The following PTPN14 variants were observed in gnomAD, a reference collection of about 807,000 sequenced individuals.
PTPN14 encodes the protein tyrosine-protein phosphatase non-receptor type 14.
Under a neutral mutation model 126.8 loss-of-function variants are expected in PTPN14, and 53 were observed. That is an observed-to-expected ratio of 0.42 (90% CI 0.34 to 0.53). The LOEUF is 0.53. PTPN14 is among the 20% of genes least tolerant of loss of function. The pLI is 0.08. For synonymous variants in PTPN14, 630 were observed against 599.3 expected, an observed-to-expected ratio of 1.05 and a Z score of -0.75; for missense variants, 1,257 against 1,552.9, an observed-to-expected ratio of 0.81 and a Z score of 3.20.
chr1:214,385,645 A>G (rs1005152069), intron 12 of PTPN14, among the ~76,000 whole-genome samples: 10 of 152,152 alleles, frequency 6.6e-5, no homozygotes, highest in Non-Finnish European at 1.0e-4. Flanking sequence ...TGGCCAAAAT[A>G]TATTCATTTT....
In PTPN14 at chr1:214,437,819, C is replaced by T. The variant is rs78809675; in HGVS notation, c.344+13986G>A. On this transcript the variant is annotated intron_variant, in intron 3 of 18. Transcript: ENST00000366956. ...CCCCCTGAGATTCTCCAACATCCAT[C>T]TACTAACAGAAAAGACCAGCTACAG... 1.2e-4 allele frequency among the ~76,000 whole-genome samples: 18 copies of T among 152,312 alleles called. No homozygotes were observed. The East Asian group carries it at 3.5e-3, about 29-fold the overall frequency.
chr1:214,437,135 C>A (rs1659939321), intron 3 of PTPN14, among the ~76,000 whole-genome samples: 1 of 151,864 alleles, frequency 6.6e-6, no homozygotes, highest in Non-Finnish European at 1.5e-5. Context: ...ATAATGTTTT[C>A]ACAACCTTGA....
At chr1:214,538,551 A>G (rs1655763375) in intron 1 of PTPN14, among the ~76,000 whole-genome samples, 1 of 152,240 alleles carries the variant, frequency 6.6e-6, no homozygotes, top group Non-Finnish European at 1.5e-5. Flanking sequence ...ATAAGTAAAG[A>G]GGCCATGGTG....
chr1:214,532,969 G>C, intron 1 of PTPN14: 3 of 774,104 alleles, frequency 3.9e-6, no homozygotes, highest in Non-Finnish European at 4.7e-6. Context: ...GAAGAACCGA[G>C]AGGAGCTGGA....
intron 1 of PTPN14, among the ~76,000 whole-genome samples, chr1:214,520,527 A>G (rs1158509047): frequency 6.6e-6 from 1 of 152,178 alleles, no homozygotes; most frequent in Non-Finnish European, 1.5e-5. Context: ...CTGGAATCTA[A>G]AAGAAAATGT....
At chr1:214,397,705 G>C (rs921912672) in intron 8 of PTPN14, among the ~76,000 whole-genome samples, 1 of 152,142 alleles carries the variant, frequency 6.6e-6, no homozygotes, top group Non-Finnish European at 1.5e-5. Flanking sequence ...CAACAATGTA[G>C]TTCCTGGAAT....
intron 1 of PTPN14, among the ~76,000 whole-genome samples, chr1:214,489,759 T>A (rs1278504049): frequency 6.6e-6 from 1 of 152,196 alleles, no homozygotes; most frequent in African/African-American, 2.4e-5. Context: ...GTTGGCTGAC[T>A]GAACAAATGC....
At chr1:214,400,344 TG>T (rs1380928960) in intron 7 of PTPN14, among the ~76,000 whole-genome samples, 1 of 152,086 alleles carries the variant, frequency 6.6e-6, no homozygotes, top group South Asian at 2.1e-4. Context: ...CACACATATG[TG>T]GGGGGAAAGA....
At chr1:214,485,818 C>T (rs1423872612) in intron 1 of PTPN14, among the ~76,000 whole-genome samples, 2 of 151,976 alleles carry the variant, frequency 1.3e-5, no homozygotes, top group African/African-American at 4.8e-5. Flanking sequence ...CTCCGCCTCC[C>T]GGGTTCACGC....
chr1:214,489,558 G>A (rs973104267), intron 1 of PTPN14, among the ~76,000 whole-genome samples: 9 of 152,084 alleles, frequency 5.9e-5, no homozygotes, highest in Non-Finnish European at 1.2e-4. Context: ...TCTCTAAATT[G>A]CCCCTCTCTA....
chr1:214,478,581 A>AT (rs1660916915), intron 1 of PTPN14, among the ~76,000 whole-genome samples: 1 of 152,186 alleles, frequency 6.6e-6, no homozygotes, highest in African/African-American at 2.4e-5. Context: ...ATCACCTAAC[A>AT]TATGTCCCTC....
At chr1:214,507,711 G>T (rs182758154) in intron 1 of PTPN14, among the ~76,000 whole-genome samples, 1 of 152,190 alleles carries the variant, frequency 6.6e-6, no homozygotes, top group Non-Finnish European at 1.5e-5. Flanking sequence ...GCGATAAAAC[G>T]AATCTCACAA....
intron 3 of PTPN14, among the ~76,000 whole-genome samples, chr1:214,446,664 T>C (rs1465820470): frequency 6.6e-6 from 1 of 152,116 alleles, no homozygotes; most frequent in Non-Finnish European, 1.5e-5. Context: ...ACAAATTAAA[T>C]AAACAGCTTT....
At chr1:214,489,667 A>G (rs996907292) in intron 1 of PTPN14, among the ~76,000 whole-genome samples, 2 of 152,158 alleles carry the variant, frequency 1.3e-5, no homozygotes, top group African/African-American at 4.8e-5. Flanking sequence ...GAGCTGCTCA[A>G]GGTCATGGAT....
Position 214,395,752 on chromosome 1 carries a change from C to G in PTPN14, c.759-766G>C, listed in dbSNP as rs527342352. ...ATCCTACTTGGAACCAATTTCTAAC[C>G]ATCTTTTACCCTTCACCTGGTGCCC... On this transcript the variant is annotated intron_variant, in intron 8 of 18. Transcript: ENST00000366956. Among the ~76,000 whole-genome samples the G allele has an allele frequency of 2.6e-5, 4 of 152,138 alleles. No individual in the cohort carries two copies. In the East Asian group the frequency reaches 7.7e-4, roughly 29 times the overall value.
intron 10 of PTPN14, among the ~76,000 whole-genome samples, chr1:214,392,749 C>T (rs2102551676): frequency 6.6e-6 from 1 of 152,310 alleles, no homozygotes; most frequent in Non-Finnish European, 1.5e-5. Flanking sequence ...GACATACTTT[C>T]AGACCCCGAC....
chr1:214,426,992 T>C (rs1443763317), intron 3 of PTPN14, among the ~76,000 whole-genome samples: 1 of 152,152 alleles, frequency 6.6e-6, no homozygotes, highest in East Asian at 1.9e-4. Flanking sequence ...AAAAAAATTA[T>C]GATTACAGGC....
intron 2 of PTPN14, among the ~76,000 whole-genome samples, chr1:214,452,640 T>A (rs1558108917): frequency 1.3e-5 from 2 of 152,198 alleles, no homozygotes; most frequent in African/African-American, 4.8e-5. Context: ...CAGATTATGG[T>A]GGGATTTGTT....
intron 1 of PTPN14, chr1:214,532,479 A>T (rs1326272550): frequency 1.2e-6 from 1 of 855,514 alleles, no homozygotes; most frequent in Non-Finnish European, 2.0e-6. Context: ...CAGACTGAGG[A>T]GCCTGGAGAT....
Sources: allele counts gnomAD v4.1 joint callset (sites outside exome capture counted in the v4.1 genomes callset), GRCh38; gene constraint gnomAD v4.1.1; transcripts MANE v1.5; gene names NCBI Gene and HGNC (gene_info 2026-07-23, HGNC 2026-07-21).